Variants in CDYL2 observed in about 807,000 individuals in gnomAD.
CDYL2 encodes the protein chromodomain Y like 2, also known as chromodomain Y-like protein 2.
A neutral mutation model predicts 49.4 loss-of-function variants in CDYL2; 23 were observed. The ratio of observed to expected loss-of-function variants is 0.47; its 90% confidence interval spans 0.34 to 0.66. CDYL2 has a LOEUF of 0.66. CDYL2 is among the 30% of genes least tolerant of loss of function. CDYL2 has a pLI of 0.01. For missense variants in CDYL2, 678 were observed against 656.4 expected, an observed-to-expected ratio of 1.03 and a Z score of -0.36; for synonymous variants, 360 against 268.8, an observed-to-expected ratio of 1.34 and a Z score of -3.32.
At chr16:80,610,780 T>G (rs1353751324) in intron 5 of CDYL2, among the ~76,000 whole-genome samples, 1 of 152,090 alleles carries the variant, frequency 6.6e-6, no homozygotes, top group Non-Finnish European at 1.5e-5. Context: ...TCTCTGGGGT[T>G]GTAGAGTTTG....
In CDYL2 at chr16:80,745,526, A is replaced by G. The variant is rs553503780; in HGVS notation, c.24+58624T>C. On this transcript the variant is annotated intron_variant, in intron 1 of 6. Coordinates refer to ENST00000570137, the MANE Select transcript of CDYL2 (RefSeq NM_152342.4). Reference sequence around the variant, plus strand: ...AATTCCTCATCCCTAAAAAGAATATAAAAACAGTACCCCCTTCATGGAGTT... The same window carrying G: ...AATTCCTCATCCCTAAAAAGAATATGAAAACAGTACCCCCTTCATGGAGTT... Among the ~76,000 whole-genome samples, 3 of 152,308 alleles carry G rather than the reference A, an allele frequency of 2.0e-5. No homozygotes were observed. The East Asian group carries it at 5.8e-4, about 29-fold the overall frequency.
chr16:80,773,823 G>A (rs1906989628), intron 1 of CDYL2, among the ~76,000 whole-genome samples: 1 of 151,974 alleles, frequency 6.6e-6, no homozygotes, highest in Non-Finnish European at 1.5e-5. Flanking sequence ...TAGGAGCAAT[G>A]GCAGGCTGAA....
chr16:80,746,518 T>C (rs1905936892), intron 1 of CDYL2, among the ~76,000 whole-genome samples: 1 of 152,196 alleles, frequency 6.6e-6, no homozygotes, highest in Non-Finnish European at 1.5e-5. Flanking sequence ...CTTCTGACTG[T>C]TCTAAATCAG....
Position 80,746,118 on chromosome 16 carries a change from TCC to T in CDYL2, c.24+58030_24+58031del, listed in dbSNP as rs754546862. Among the ~76,000 whole-genome samples the T allele has an allele frequency of 2.6e-5, 4 of 152,022 alleles. No individual in the cohort carries two copies. The East Asian group carries it at 5.8e-4, about 22-fold the overall frequency. On this transcript the variant is annotated intron_variant, in intron 1 of 6. Transcript: ENST00000570137. ...AGCTCTGTTCCCGAGACCTTCCTTC[TCC>T]CCTGGGCTCCAACAGGTACCTGCAC...
chr16:80,761,576 G>A (rs1032950693), intron 1 of CDYL2, among the ~76,000 whole-genome samples: 5 of 152,078 alleles, frequency 3.3e-5, no homozygotes, highest in African/African-American at 1.2e-4. Flanking sequence ...ATCACCTGCG[G>A]AGCCTTTTCA....
Position 80,685,090 on chromosome 16 carries a change from T to C in CDYL2, c.64A>G (p.Lys22Glu). ...TTCCATCGGATAAGATACTCCCATT[T>C]TCCTTTCTTGTTCTTCCTCTTGTCT... The part of the protein sequence containing the change: ...IVDKRKNKKG[K>E]WEYLIRWKGY... Residue 22 changes from lysine (K) to glutamate (E), a missense_variant, in exon 2 of 7, where the codon AAA becomes GAA. By Grantham distance (56) the Lys-to-Glu change is moderately conservative (BLOSUM62 1). This residue lies in a region of CDYL2 where 478 missense variants were observed against 427.0 expected (regional missense o/e 1.12). Coordinates refer to ENST00000570137, the MANE Select transcript of CDYL2 (RefSeq NM_152342.4). The C allele has an allele frequency of 6.2e-7, 1 of 1,613,956 alleles. No individual in the cohort carries two copies. The highest frequency in any genetic ancestry group is 8.5e-7 in the Non-Finnish European group (1 of 1,179,850).
intron 1 of CDYL2, among the ~76,000 whole-genome samples, chr16:80,771,784 T>C (rs1906913688): frequency 6.6e-6 from 1 of 151,684 alleles, no homozygotes; most frequent in Admixed American, 6.6e-5. Flanking sequence ...AAGTAAAAAA[T>C]ATAATGCCCA....
chr16:80,718,803 T>C (rs1904899578), intron 1 of CDYL2, among the ~76,000 whole-genome samples: 2 of 152,078 alleles, frequency 1.3e-5, no homozygotes, highest in Admixed American at 6.6e-5. Flanking sequence ...ACACCGCTGT[T>C]GGAGACAGAA....
At chr16:80,619,112 C>A (rs1389125218) in intron 4 of CDYL2, among the ~76,000 whole-genome samples, 5 of 152,228 alleles carry the variant, frequency 3.3e-5, no homozygotes, top group Middle Eastern at 3.4e-3. Flanking sequence ...TGGCTTGAGG[C>A]TGCATGACTC....
At chr16:80,748,755 C>A (rs1326867834) in intron 1 of CDYL2, among the ~76,000 whole-genome samples, 1 of 152,098 alleles carries the variant, frequency 6.6e-6, no homozygotes. Flanking sequence ...TCATCCTCAT[C>A]TCTACCCCCA....
At chr16:80,748,779 TC>T (rs1168512818) in intron 1 of CDYL2, among the ~76,000 whole-genome samples, 1 of 152,062 alleles carries the variant, frequency 6.6e-6, no homozygotes, top group East Asian at 1.9e-4. Context: ...TAACAGTTGA[TC>T]CCTGTCCTTG....
chr16:80,628,371 T>C (rs974917236), intron 3 of CDYL2: 5 of 152,266 alleles, frequency 3.3e-5, no homozygotes, highest in African/African-American at 9.6e-5. Flanking sequence ...TCTCTTGCTC[T>C]TTCTTGGAGT....
At chr16:80,800,907 C>G (rs1907906181) in intron 1 of CDYL2, among the ~76,000 whole-genome samples, 1 of 152,184 alleles carries the variant, frequency 6.6e-6, no homozygotes, top group Non-Finnish European at 1.5e-5. Context: ...GTTGCAAACT[C>G]TAAAGTCTAC....
At position 80,599,934 on chromosome 16, in the gene CDYL2, C is replaced by T. The variant is rs1906008580; in HGVS notation, c.*4454G>A. The T allele has an allele frequency of 1.3e-5, 2 of 152,220 alleles. No homozygotes were observed. Among genetic ancestry groups the T allele is most frequent in the Admixed American group, 6.5e-5 (1 of 15,290 alleles). 9.4% of individuals were successfully genotyped at this position (152,220 alleles called of 1,614,324 possible). On this transcript the variant is annotated 3_prime_UTR_variant, in exon 7 of 7. Transcript: ENST00000570137. Reference sequence around the variant, plus strand: ...ACTCAATCAAACTCTTCGGATTAGCCATGAATTACAGACTGCATTCAGTCC... The same window carrying T: ...ACTCAATCAAACTCTTCGGATTAGCTATGAATTACAGACTGCATTCAGTCC...
intron 1 of CDYL2, among the ~76,000 whole-genome samples, chr16:80,782,383 G>A (rs908133632): frequency 6.6e-6 from 1 of 151,650 alleles, no homozygotes. Context: ...CCAAGACCAA[G>A]CCTTCACTGA....
chr16:80,761,900 A>T (rs1906544975), intron 1 of CDYL2, among the ~76,000 whole-genome samples: 1 of 149,932 alleles, frequency 6.7e-6, no homozygotes, highest in African/African-American at 2.5e-5. Flanking sequence ...AAAAAAAAAC[A>T]AAGACTGGCC....
chr16:80,692,387 C>T lies in CDYL2; in HGVS notation c.25-7258G>A, dbSNP rs371268768. Among the ~76,000 whole-genome samples the T allele has an allele frequency of 1.4e-4, 21 of 152,236 alleles. 1 individual carries two copies. The highest frequency in any genetic ancestry group is 3.9e-4 in the African/African-American group (16 of 41,526). ...TGAACTCAAGAATTCTATTCTATAG[C>T]CCAAGTGGTCCTTCAGATGAGAACG... is the stretch of plus-strand genomic sequence containing the variant. On this transcript the variant is annotated intron_variant, in intron 1 of 6. Transcript: ENST00000570137.
intron 2 of CDYL2, among the ~76,000 whole-genome samples, chr16:80,677,471 G>A (rs947673903): frequency 1.3e-5 from 2 of 152,126 alleles, no homozygotes; most frequent in African/African-American, 4.8e-5. Context: ...AGGCGCAGTG[G>A]CGCACGCCTG....
chr16:80,625,262 G>A (rs1879764094), intron 3 of CDYL2, among the ~76,000 whole-genome samples: 1 of 152,134 alleles, frequency 6.6e-6, no homozygotes, highest in South Asian at 2.1e-4. Flanking sequence ...GCTTATAGAG[G>A]CCACCCACAT....
Sources: allele counts gnomAD v4.1 joint callset (sites outside exome capture counted in the v4.1 genomes callset), GRCh38; gene constraint gnomAD v4.1.1; regional missense constraint gnomAD v4.1.1; transcripts MANE v1.5; gene names NCBI Gene and HGNC (gene_info 2026-07-23, HGNC 2026-07-21).